The following CELF1 variants were observed in gnomAD, a reference collection of about 807,000 sequenced individuals.
CELF1 encodes the protein CUGBP Elav-like family member 1, also known as 50 kDa nuclear polyadenylated RNA-binding protein.
Under a neutral mutation model 61.8 loss-of-function variants are expected in CELF1, and 10 were observed. That is an observed-to-expected ratio of 0.16 (90% CI 0.10 to 0.27). The LOEUF (loss-of-function observed/expected upper bound fraction) is 0.27. Among genes scored for constraint, CELF1 ranks in the 10% least tolerant of loss-of-function variants. The pLI, the probability that CELF1 is intolerant of heterozygous loss-of-function variation, is 1.00. For synonymous variants in CELF1, 236 were observed against 225.1 expected (o/e 1.05, Z -0.43); for missense variants, 380 against 639.1 (o/e 0.59, Z 4.37).
chr11:47,511,719 G>A (rs117565475), intron 1 of CELF1, among the ~76,000 whole-genome samples: 11 of 152,282 alleles, frequency 7.2e-5, no homozygotes, highest in Non-Finnish European at 1.2e-4. Flanking sequence ...AAGATACAGA[G>A]ATGAAATGAC....
chr11:47,538,785 CA>C (rs1287643750), intron 1 of CELF1, among the ~76,000 whole-genome samples: 1 of 151,572 alleles, frequency 6.6e-6, no homozygotes, highest in Admixed American at 6.6e-5. Flanking sequence ...AGGAAAAAAA[CA>C]AAATCACGTT....
At chr11:47,552,693 C>G (rs1341402031) in intron 1 of CELF1, among the ~76,000 whole-genome samples, 2 of 152,302 alleles carry the variant, frequency 1.3e-5, no homozygotes, top group South Asian at 2.1e-4. Flanking sequence ...GGCCTCTGAG[C>G]CTAGAGAGTG....
At chr11:47,557,731 T>C (rs1044856380), upstream of CELF1, 2 of 150,650 alleles carry the variant, frequency 1.3e-5, no homozygotes, top group African/African-American at 2.4e-5. Context: ...AGACACCTGA[T>C]TGACATACTG....
chr11:47,546,283 G>A (rs1159879741), intron 1 of CELF1, among the ~76,000 whole-genome samples: 1 of 145,204 alleles, frequency 6.9e-6, no homozygotes, highest in African/African-American at 2.6e-5. Flanking sequence ...GGGCGGGGGA[G>A]GGAATGGAGT....
intron 1 of CELF1, among the ~76,000 whole-genome samples, chr11:47,520,032 T>C (rs1006849078): frequency 1.3e-5 from 2 of 150,586 alleles, no homozygotes; most frequent in Admixed American, 1.3e-4. Flanking sequence ...CCAGGAGATC[T>C]ATCAATCAAA....
intron 1 of CELF1, among the ~76,000 whole-genome samples, chr11:47,517,819 C>CT (rs1350351251): frequency 6.6e-6 from 1 of 152,010 alleles, no homozygotes; most frequent in Non-Finnish European, 1.5e-5. Context: ...AACCCAGCTA[C>CT]TTTTTTGTAT....
At chr11:47,546,012 G>A (rs185734575) in intron 1 of CELF1, among the ~76,000 whole-genome samples, 2,901 of 151,054 alleles carry the variant, frequency 0.019, 29 homozygotes, top group Middle Eastern at 0.031. Flanking sequence ...CCGGGTTCAC[G>A]CCATTCTCCT....
chr11:47,557,091 G>C (rs2097207703), upstream of CELF1, among the ~76,000 whole-genome samples: 1 of 152,008 alleles, frequency 6.6e-6, no homozygotes, highest in South Asian at 2.1e-4. Context: ...GTAGAGTCGG[G>C]GTTTCCCCAT....
In CELF1 at chr11:47,475,464, C is replaced by T; in HGVS notation, c.1145G>A (p.Ser382Asn). The T allele has an allele frequency of 6.2e-7, 1 of 1,614,044 alleles. No homozygotes were observed. The highest frequency in any genetic ancestry group is 8.5e-7 in the Non-Finnish European group (1 of 1,180,036). The change falls in exon 13 of 15, where the codon AGC becomes AAC. Residue 382 changes from serine (S) to asparagine (N), a missense_variant. Physicochemically the swap from Ser to Asn is conservative, Grantham distance 46 (BLOSUM62 1). Coordinates refer to ENST00000687097, the MANE Select transcript of CELF1 (RefSeq NM_001376376.1). ...GGCCTGAGTGAGGGCCTCCATGGTG[C>T]TCCCGGTGCCATTGGAAAGGCCACT... is the stretch of plus-strand genomic sequence containing the variant. Reference protein sequence around the residue: ...GSSGLSNGTGSTMEALTQAYS... With the variant: ...GSSGLSNGTGNTMEALTQAYS...
chr11:47,504,598 A>AAATCT (rs1280523547), intron 1 of CELF1, among the ~76,000 whole-genome samples: 1 of 140,344 alleles, frequency 7.1e-6, no homozygotes, highest in Non-Finnish European at 1.6e-5. Flanking sequence ...AATAAATAAA[A>AAATCT]CATAAAAAAC....
chr11:47,495,341 C>A (rs547530657), intron 3 of CELF1, among the ~76,000 whole-genome samples: 20 of 152,166 alleles, frequency 1.3e-4, no homozygotes, highest in African/African-American at 4.8e-4. Context: ...ACAGGCAAAT[C>A]TACAGACAGA....
At position 47,506,451 on chromosome 11, in the gene CELF1, C is replaced by A. The variant is rs148643124; in HGVS notation, c.-153-5519G>T. Among the ~76,000 whole-genome samples, 5 of 152,122 alleles carry A rather than the reference C, an allele frequency of 3.3e-5. No individual in the cohort carries two copies. In the East Asian group the frequency reaches 9.6e-4, roughly 29 times the overall value. ...CTCAAAAAAAAGAAAAAAAAAATCT[C>A]ATGTTTTAAGAAAGTTGATAAATTT... On this transcript the variant is annotated intron_variant, in intron 1 of 14. Transcript: ENST00000687097.
chr11:47,548,595 G>A (rs1034566185), intron 1 of CELF1, among the ~76,000 whole-genome samples: 2 of 152,086 alleles, frequency 1.3e-5, no homozygotes, highest in Non-Finnish European at 2.9e-5. Context: ...GCTGGGTGCG[G>A]TGGCTCACAT....
intron 1 of CELF1, among the ~76,000 whole-genome samples, chr11:47,530,995 C>A (rs1241060244): frequency 6.6e-6 from 1 of 152,036 alleles, no homozygotes. Flanking sequence ...GCCTGTAATC[C>A]CAACACTTTG....
chr11:47,526,988 T>G (rs780565161), intron 1 of CELF1, among the ~76,000 whole-genome samples: 10 of 150,446 alleles, frequency 6.6e-5, no homozygotes, highest in Non-Finnish European at 1.0e-4. Flanking sequence ...GAGGCAGAGG[T>G]TGCAGTCAGC....
At chr11:47,494,275 T>C in intron 3 of CELF1, 1 of 532,194 alleles carries the variant, frequency 1.9e-6, no homozygotes, top group African/African-American at 2.1e-5. Context: ...GGATGAAACC[T>C]ACCCCCTCTC....
chr11:47,487,193 T>C lies in CELF1; in HGVS notation c.308A>G (p.Gln103Arg), dbSNP rs2153464324. The change falls in exon 5 of 15, where the codon CAG (glutamine) becomes CGG (arginine). Residue 103 changes from glutamine to arginine, a missense_variant. By Grantham distance (43) the Gln-to-Arg change is conservative. Coordinates refer to ENST00000687097, the MANE Select transcript of CELF1 (RefSeq NM_001376376.1). Reference protein sequence around the residue: ...FYTRKAALEAQNALHNMKVLP... With the variant: ...FYTRKAALEARNALHNMKVLP... ...GACTTTCATGTTGTGAAGAGCATTC[T>C]GAGCTTCTAATGCAGCTTTACGGGT... 1.9e-6 allele frequency: 3 copies of C among 1,612,746 alleles called. No homozygotes were observed. Among genetic ancestry groups the C allele is most frequent in the Non-Finnish European group, 2.5e-6 (3 of 1,179,886 alleles).
Position 47,475,343 on chromosome 11 carries a change from C to T in CELF1, c.1266G>A (p.Gln422=). The T allele has an allele frequency of 6.2e-7, 1 of 1,613,638 alleles. No homozygotes were observed. Among genetic ancestry groups the T allele is most frequent in the Non-Finnish European group, 8.5e-7 (1 of 1,179,998 alleles). Residue 422 remains glutamine, a synonymous_variant, in exon 13 of 15, where the codon CAG becomes CAA. Transcript: ENST00000687097. ...TQQSIGAAGS[Q]KEGPEGANLF... is the part of the protein sequence containing the mutation. Reference sequence around the variant, plus strand: ...ATCTCCCTTTGCACTCACCTTCCTTCTGGCTTCCAGCAGCACCAATACTCT... The same window carrying T: ...ATCTCCCTTTGCACTCACCTTCCTTTTGGCTTCCAGCAGCACCAATACTCT...
chr11:47,509,182 G>C (rs562238032), intron 1 of CELF1, among the ~76,000 whole-genome samples: 3 of 152,208 alleles, frequency 2.0e-5, no homozygotes, highest in Non-Finnish European at 4.4e-5. Flanking sequence ...GAGAAGAGCT[G>C]AATGGAAACT....
Sources: allele counts gnomAD v4.1 joint callset (sites outside exome capture counted in the v4.1 genomes callset), GRCh38; gene constraint gnomAD v4.1.1; transcripts MANE v1.5; gene names NCBI Gene and HGNC (gene_info 2026-07-23, HGNC 2026-07-21).